The following OCSTAMP variants were observed in gnomAD, a reference collection of about 807,000 sequenced individuals.
OCSTAMP encodes transmembrane protein C20orf123.
Under a neutral mutation model 25.2 loss-of-function variants are expected in OCSTAMP, and 17 were observed. The ratio of observed to expected loss-of-function variants is 0.68; its 90% CI spans 0.46 to 1.01. The LOEUF (loss-of-function observed/expected upper bound fraction) is 1.01, where lower values mean the gene tolerates loss of function less well. Ranked by LOEUF, OCSTAMP falls within the 50% of genes least tolerant of loss-of-function variation. OCSTAMP has a pLI of 0.00. For missense variants in OCSTAMP, 664 were observed against 694.6 expected, an observed-to-expected ratio of 0.96 and a Z score of 0.50; for synonymous variants, 345 against 318.9, an observed-to-expected ratio of 1.08 and a Z score of -0.87.
chr20:46,542,435 G>A (rs1464061281), intron 2 of OCSTAMP, among the ~76,000 whole-genome samples: 1 of 152,088 alleles, frequency 6.6e-6, no homozygotes, highest in Non-Finnish European at 1.5e-5. Flanking sequence ...CAAAAAATTA[G>A]CTGGGTGTGT....
At chr20:46,543,305 C>CCTTCCTTCCTTCCTTTCTTTCTTT (rs1555872066) in intron 2 of OCSTAMP, among the ~76,000 whole-genome samples, 5 of 128,408 alleles carry the variant, frequency 3.9e-5, no homozygotes, top group African/African-American at 1.2e-4. Context: ...CTTTCTCTTT[C>CCTTCCTTCCTTCCTTTCTTTCTTT]CTTTCTTTCT....
Position 46,546,949 on chromosome 20 carries a change from A to C in OCSTAMP, c.45-620T>G, listed in dbSNP as rs529376097. Among the ~76,000 whole-genome samples the C allele has an allele frequency of 3.3e-5, 5 of 152,348 alleles. No homozygotes were observed. In the East Asian group the frequency reaches 7.7e-4, roughly 23 times the overall value. ...GGAGAAACAGGAATGAAAAAAACAG[A>C]AGTCCCTACCTTCGTGGGGCTTGCA... On this transcript the variant is annotated intron_variant, in intron 1 of 2. Coordinates refer to ENST00000279028, the MANE Select transcript of OCSTAMP (RefSeq NM_080721.3).
rs1230842110 is a variant in OCSTAMP, at chr20:46,546,108, C to G, written c.266G>C (p.Gly89Ala). Residue 89 changes from glycine to alanine, a missense_variant, in exon 2 of 3, where the codon GGC (glycine) becomes GCC (alanine). Gly to Ala is a moderately conservative substitution (Grantham distance 60, BLOSUM62 0). Transcript: ENST00000279028. The part of the protein sequence containing the change: ...GPSAMVATVC[G>A]LLVFLSLGLV... ...GCCCAGGCTCAGGAAGACCAGGAGG[C>G]CACAGACAGTGGCAACCATGGCTGA... 3.9e-6 allele frequency: 6 copies of G among 1,551,628 alleles called. No homozygotes were observed. Among genetic ancestry groups the G allele is most frequent in the Non-Finnish European group, 5.2e-6 (6 of 1,147,000 alleles).
At position 46,546,051 on chromosome 20, in the gene OCSTAMP, A is replaced by G. The variant is rs1234698272; in HGVS notation, c.323T>C (p.Leu108Pro). Residue 108 changes from leucine (L) to proline (P), a missense_variant, in exon 2 of 3, where the codon CTC (leucine) becomes CCC (proline). By Grantham distance (98) the Leu-to-Pro change is moderately conservative (BLOSUM62 -3). Coordinates refer to ENST00000279028, the MANE Select transcript of OCSTAMP (RefSeq NM_080721.3). Reference sequence around the variant, plus strand: ...CTCCATACCCAGGGTGGGCACGCTGAGTGCAAACAGGCAGCGGACTGGGGG... The same window carrying G: ...CTCCATACCCAGGGTGGGCACGCTGGGTGCAAACAGGCAGCGGACTGGGGG... ...LVPPVRCLFA[L>P]SVPTLGMEQG... The G allele has an allele frequency of 6.4e-7, 1 of 1,551,458 alleles. No individual in the cohort carries two copies. The highest frequency in any genetic ancestry group is 1.4e-5 in the African/African-American group (1 of 73,056).
At chr20:46,549,202 G>GACA (rs1286920318) in intron 1 of OCSTAMP, among the ~76,000 whole-genome samples, 1 of 152,136 alleles carries the variant, frequency 6.6e-6, no homozygotes, top group Non-Finnish European at 1.5e-5. Flanking sequence ...GGGCTTCTGG[G>GACA]ACAATAAAAT....
chr20:46,543,597 G>T (rs565406382), intron 2 of OCSTAMP, among the ~76,000 whole-genome samples: 2 of 152,038 alleles, frequency 1.3e-5, no homozygotes, highest in Admixed American at 6.5e-5. Context: ...CTCCCAAAGT[G>T]CTGGGATTAT....
rs566986082 is a variant in OCSTAMP, at chr20:46,544,640, T to C, written c.1047+687A>G. 2.6e-5 allele frequency among the ~76,000 whole-genome samples: 4 copies of C among 152,348 alleles called. No individual in the cohort carries two copies. In the East Asian group the frequency reaches 7.7e-4, roughly 29 times the overall value. Reference sequence around the variant, plus strand: ...TATCCGATTATAAGTCGATAGTAAATATTTTCTATATCACTATTAAAATAG... The same window carrying C: ...TATCCGATTATAAGTCGATAGTAAACATTTTCTATATCACTATTAAAATAG... On this transcript the variant is annotated intron_variant, in intron 2 of 2. Coordinates refer to ENST00000279028, the MANE Select transcript of OCSTAMP (RefSeq NM_080721.3).
chr20:46,541,228 C>T lies in OCSTAMP; in HGVS notation c.*46G>A, dbSNP rs139324364. The T allele has an allele frequency of 6.4e-5, 44 of 691,644 alleles. No homozygotes were observed. The East Asian group carries it at 1.2e-3, about 18-fold the overall frequency. The allele number at this position is 691,644 out of a possible 1,614,324, so 42.8% of individuals were successfully genotyped here. A position where few individuals can be genotyped will look rare whatever the true frequency, so the allele number is the denominator to read the frequency against. On this transcript the variant is annotated 3_prime_UTR_variant, in exon 3 of 3. Coordinates refer to ENST00000279028, the MANE Select transcript of OCSTAMP (RefSeq NM_080721.3). ...CCAACCAGCCTGGAGGAACCATGAG[C>T]TCTCTCTGCACTCCTTGTCTTCGCC...
At chr20:46,546,451 C>A in intron 1 of OCSTAMP, 122 bp from the exon 2 acceptor site, 2 of 788,980 alleles carry the variant, frequency 2.5e-6, no homozygotes, top group Non-Finnish European at 2.0e-6. Flanking sequence ...CTTGTAGTTA[C>A]CCAGGTGGAC....
At chr20:46,543,857 A>AG (rs1207127374) in intron 2 of OCSTAMP, among the ~76,000 whole-genome samples, 66 of 152,330 alleles carry the variant, frequency 4.3e-4, no homozygotes, top group Non-Finnish European at 1.5e-4. Context: ...TGAGTAAATC[A>AG]GGGAACATGC....
intron 2 of OCSTAMP, among the ~76,000 whole-genome samples, chr20:46,543,288 T>C (rs1460768590): frequency 2.1e-4 from 26 of 124,526 alleles, no homozygotes; most frequent in South Asian, 6.1e-4. Context: ...TTTCTCTTTC[T>C]TTCTCTCTTT....
chr20:46,545,200 C>A, intron 2 of OCSTAMP, 127 bp downstream of exon 2: 1 of 1,021,994 alleles, frequency 9.8e-7, no homozygotes, highest in Non-Finnish European at 1.4e-6. Flanking sequence ...GGTATGGGGC[C>A]CCATGGATGA....
intron 1 of OCSTAMP, among the ~76,000 whole-genome samples, chr20:46,548,894 C>CA (rs920071308): frequency 2.0e-5 from 3 of 152,054 alleles, no homozygotes; most frequent in Non-Finnish European, 4.4e-5. Flanking sequence ...GCTGCAACGA[C>CA]AAAAAAACTG....
At chr20:46,544,562 A>G (rs1015115956) in intron 2 of OCSTAMP, among the ~76,000 whole-genome samples, 1 of 152,238 alleles carries the variant, frequency 6.6e-6, no homozygotes, top group Non-Finnish European at 1.5e-5. Flanking sequence ...AAATAAAAAG[A>G]TCCGTGGCAA....
Position 46,541,486 on chromosome 20 carries a change from C to G in OCSTAMP, c.1489G>C (p.Glu497Gln), listed in dbSNP as rs914313157. Residue 497 changes from glutamate (E) to glutamine (Q), a missense_variant, in exon 3 of 3, where the codon GAA becomes CAA. Physicochemically the swap from Glu to Gln is conservative, Grantham distance 29 (BLOSUM62 2). Coordinates refer to ENST00000279028, the MANE Select transcript of OCSTAMP (RefSeq NM_080721.3). ...DALRTESSEGEGKELWSCRDL... is the reference protein window; with the variant it reads ...DALRTESSEGQGKELWSCRDL... ...CTGCAACTCCAAAGCTCTTTCCCTT[C>G]TCCCTCACTGCTCTCGGTTCTTAAG... 2.1e-5 allele frequency: 32 copies of G among 1,551,444 alleles called. No individual in the cohort carries two copies. The highest frequency in any genetic ancestry group is 2.7e-5 in the African/African-American group (2 of 73,066).
intron 2 of OCSTAMP, among the ~76,000 whole-genome samples, chr20:46,543,333 C>CTTTCTTA (rs2061841620): frequency 3.6e-5 from 1 of 27,580 alleles, no homozygotes; most frequent in African/African-American, 1.8e-4. Context: ...TTTCTTTCTT[C>CTTTCTTA]GTTTCTTCCT....
At position 46,545,649 on chromosome 20, in the gene OCSTAMP, G is replaced by T; in HGVS notation, c.725C>A (p.Ala242Glu). The part of the protein sequence containing the change: ...LFMLGLLVES[A>E]WYLHCYLTDL... ...TGTCAGGTAGCAATGGAGGTACCAT[G>T]CCGACTCCACCAGGAGGCCCAACAT... Residue 242 changes from alanine (A) to glutamate (E), a missense_variant, in exon 2 of 3, where the codon GCA becomes GAA. By Grantham distance (107) the Ala-to-Glu change is moderately radical (BLOSUM62 -1). Transcript: ENST00000279028. The T allele has an allele frequency of 2.6e-6, 4 of 1,551,708 alleles. No homozygotes were observed. Among genetic ancestry groups the T allele is most frequent in the Non-Finnish European group, 3.5e-6 (4 of 1,146,996 alleles).
At chr20:46,548,833 A>G (rs1224251274) in intron 1 of OCSTAMP, among the ~76,000 whole-genome samples, 1 of 152,170 alleles carries the variant, frequency 6.6e-6, no homozygotes, top group Non-Finnish European at 1.5e-5. Context: ...TGACTGGTGC[A>G]GGGATTGCAC....
chr20:46,545,185 C>T (rs2061847022), intron 2 of OCSTAMP, 142 bp downstream of exon 2: 4 of 714,180 alleles, frequency 5.6e-6, no homozygotes, highest in Non-Finnish European at 8.6e-6. Flanking sequence ...AGTCCCTCTG[C>T]CCATGGTATG....
Sources: allele counts gnomAD v4.1 joint callset (sites outside exome capture counted in the v4.1 genomes callset), GRCh38; gene constraint gnomAD v4.1.1; transcripts MANE v1.5; gene names NCBI Gene and HGNC (gene_info 2026-07-23, HGNC 2026-07-21).